The following ATP10B variants were observed in gnomAD, a reference collection of about 807,000 sequenced individuals.
ATP10B encodes ATPase phospholipid transporting 10B (putative).
ATP10B carries 122 observed loss-of-function variants against 141.2 expected under a neutral mutation model. The observed-to-expected ratio is 0.86, with a 90% CI of 0.75 to 1.00. ATP10B has a LOEUF of 1.00. Among genes scored for constraint, ATP10B ranks in the 50% least tolerant of loss-of-function variants. The probability of loss-of-function intolerance (pLI) is 0.00; values close to 1 mark genes in which losing one functional copy is unlikely to be tolerated. For missense variants in ATP10B, 1,876 were observed against 1,825.3 expected (o/e 1.03, Z -0.51); for synonymous variants, 685 against 692.0 (o/e 0.99, Z 0.16).
intron 1 of ATP10B, among the ~76,000 whole-genome samples, chr5:160,812,217 T>A (rs761250768): frequency 3.9e-5 from 6 of 152,230 alleles, no homozygotes; most frequent in Admixed American, 6.5e-5. Flanking sequence ...GGGCTTTGGA[T>A]GACCCTTAAT....
chr5:160,850,799 C>A (rs779654781), intron 1 of ATP10B, among the ~76,000 whole-genome samples: 3 of 152,104 alleles, frequency 2.0e-5, no homozygotes, highest in Non-Finnish European at 2.9e-5. Flanking sequence ...TGATGAAAAC[C>A]TGAGGAGAGA....
At chr5:160,776,827 GTT>G (rs1770365194) in intron 2 of ATP10B, among the ~76,000 whole-genome samples, 1 of 152,206 alleles carries the variant, frequency 6.6e-6, no homozygotes, top group Non-Finnish European at 1.5e-5. Flanking sequence ...TTCTCTGTGT[GTT>G]TTTGACACCC....
intron 1 of ATP10B, among the ~76,000 whole-genome samples, chr5:160,790,350 T>C (rs1162955756): frequency 3.9e-5 from 6 of 152,164 alleles, no homozygotes; most frequent in African/African-American, 1.2e-4. Flanking sequence ...TAGGCTATTT[T>C]AGGTCTGGCT....
At chr5:160,622,099 A>G (rs537039115) in intron 14 of ATP10B, among the ~76,000 whole-genome samples, 53 of 152,340 alleles carry the variant, frequency 3.5e-4, no homozygotes, top group African/African-American at 1.3e-3. Flanking sequence ...GGAGCCTGGC[A>G]TAAAGCCAAG....
chr5:160,756,676 G>C (rs1210497480), intron 2 of ATP10B, among the ~76,000 whole-genome samples: 1 of 151,388 alleles, frequency 6.6e-6, no homozygotes, highest in Non-Finnish European at 1.5e-5. Context: ...TGATGTGTCT[G>C]TTCAAATCTC....
chr5:160,646,927 G>A (rs989992418), intron 8 of ATP10B, among the ~76,000 whole-genome samples: 16 of 152,132 alleles, frequency 1.1e-4, no homozygotes, highest in Admixed American at 2.0e-4. Flanking sequence ...CTGGGGTGGG[G>A]GGCTGTCCTG....
intron 2 of ATP10B, among the ~76,000 whole-genome samples, chr5:160,727,510 C>T (rs751334191): frequency 6.6e-5 from 10 of 152,124 alleles, no homozygotes; most frequent in Non-Finnish European, 1.2e-4. Flanking sequence ...CCCTGGCTTC[C>T]GGTCATCTCT....
chr5:160,810,337 C>T (rs1195671526), intron 1 of ATP10B, among the ~76,000 whole-genome samples: 2 of 151,954 alleles, frequency 1.3e-5, no homozygotes, highest in Non-Finnish European at 2.9e-5. Context: ...TTTCTATTAT[C>T]CTTTTTTGAC....
chr5:160,691,363 TA>T (rs1406614046), intron 3 of ATP10B, among the ~76,000 whole-genome samples: 3 of 151,962 alleles, frequency 2.0e-5, no homozygotes, highest in East Asian at 1.9e-4. Flanking sequence ...TAATAATGAT[TA>T]AAAAAAATGC....
the ATP10B span, among the ~76,000 whole-genome samples, chr5:160,862,441 T>TA: frequency 6.6e-6 from 1 of 151,966 alleles, no homozygotes; most frequent in African/African-American, 2.4e-5. Flanking sequence ...CATAATCACA[T>TA]AAGTCAATTT....
the ATP10B span, among the ~76,000 whole-genome samples, chr5:160,863,696 A>G: frequency 3.3e-5 from 5 of 152,038 alleles, no homozygotes; most frequent in Non-Finnish European, 7.4e-5. Flanking sequence ...AAATTGGTAG[A>G]CCATTAGCAG....
intron 2 of ATP10B, among the ~76,000 whole-genome samples, chr5:160,732,961 A>G (rs1172726172): frequency 6.6e-6 from 1 of 152,142 alleles, no homozygotes; most frequent in Non-Finnish European, 1.5e-5. Context: ...CTCCTACCTC[A>G]GCCTCCCAAA....
intron 1 of ATP10B, among the ~76,000 whole-genome samples, chr5:160,827,947 A>C (rs1020666446): frequency 6.6e-6 from 1 of 152,056 alleles, no homozygotes; most frequent in East Asian, 1.9e-4. Flanking sequence ...CCATTGATCT[A>C]TATCTCTGTT....
chr5:160,788,600 T>C (rs565382219), intron 1 of ATP10B, among the ~76,000 whole-genome samples: 5 of 152,038 alleles, frequency 3.3e-5, no homozygotes, highest in Non-Finnish European at 5.9e-5. Flanking sequence ...AGGGTGGCTG[T>C]CAACTCCCTG....
intron 2 of ATP10B, among the ~76,000 whole-genome samples, chr5:160,726,060 C>G (rs1295629847): frequency 6.6e-6 from 1 of 152,130 alleles, no homozygotes; most frequent in Non-Finnish European, 1.5e-5. Context: ...TCCCAAACCA[C>G]AGAACAATTC....
At chr5:160,868,515 A>G in the ATP10B span, among the ~76,000 whole-genome samples, 3 of 113,330 alleles carry the variant, frequency 2.6e-5, no homozygotes, top group African/African-American at 9.7e-5. Context: ...AAGGCATATG[A>G]ACAGATACAC....
intron 2 of ATP10B, among the ~76,000 whole-genome samples, chr5:160,738,853 TAAAAG>T (rs1767286072): frequency 6.6e-6 from 1 of 152,060 alleles, no homozygotes; most frequent in African/African-American, 2.4e-5. Context: ...CTTTAGGAAA[TAAAAG>T]AGAAGGGAAT....
chr5:160,775,044 C>A (rs1770190006), intron 2 of ATP10B, among the ~76,000 whole-genome samples: 1 of 152,224 alleles, frequency 6.6e-6, no homozygotes, highest in Non-Finnish European at 1.5e-5. Flanking sequence ...TCTTCTGAAT[C>A]AGGGAGGCAG....
chr5:160,890,228 A>T, the ATP10B span, among the ~76,000 whole-genome samples: 1 of 152,254 alleles, frequency 6.6e-6, no homozygotes, highest in Non-Finnish European at 1.5e-5. Context: ...TAAAGAAATT[A>T]TCTAAAGATG....
Sources: allele counts gnomAD v4.1 joint callset (sites outside exome capture counted in the v4.1 genomes callset), GRCh38; gene constraint gnomAD v4.1.1; transcripts MANE v1.5; gene names NCBI Gene and HGNC (gene_info 2026-07-23, HGNC 2026-07-21).